Variants in GASK1B observed in about 807,000 individuals in gnomAD.
GASK1B encodes golgi associated kinase 1B.
In GASK1B, 34 loss-of-function variants were observed where a neutral mutation model predicts 42.8. That is an observed-to-expected ratio of 0.79 (90% CI 0.60 to 1.06). The LOEUF (loss-of-function observed/expected upper bound fraction) is 1.06. Ranked by LOEUF, GASK1B falls within the 50% of genes least tolerant of loss-of-function variation. The pLI is 0.00. For missense variants in GASK1B, 686 were observed against 661.0 expected (o/e 1.04, Z -0.42); for synonymous variants, 262 against 259.1 (o/e 1.01, Z -0.11).
intron 3 of GASK1B, among the ~76,000 whole-genome samples, chr4:158,140,241 C>T (rs142184667): frequency 9.9e-4 from 150 of 152,234 alleles, no homozygotes; most frequent in Admixed American, 3.9e-3. Flanking sequence ...AAACCATGCC[C>T]CAAACAGTTC....
intron 3 of GASK1B, among the ~76,000 whole-genome samples, chr4:158,137,768 G>A (rs745547729): frequency 1.5e-4 from 22 of 151,722 alleles, no homozygotes; most frequent in Non-Finnish European, 1.8e-4. Context: ...AACTCTCACC[G>A]CATAAAATAA....
intron 2 of GASK1B, among the ~76,000 whole-genome samples, chr4:158,162,669 C>T (rs186359306): frequency 4.7e-4 from 72 of 152,260 alleles, no homozygotes; most frequent in African/African-American, 1.6e-3. Flanking sequence ...TATACTGGGA[C>T]GATGAAAATA....
intron 3 of GASK1B, among the ~76,000 whole-genome samples, chr4:158,138,177 A>G (rs1730978322): frequency 6.6e-6 from 1 of 152,242 alleles, no homozygotes; most frequent in Non-Finnish European, 1.5e-5. Context: ...CCTCTCAATA[A>G]GAACCAGAAG....
intron 3 of GASK1B, among the ~76,000 whole-genome samples, chr4:158,137,127 T>C (rs1294423556): frequency 1.3e-5 from 2 of 152,206 alleles, no homozygotes; most frequent in Non-Finnish European, 2.9e-5. Context: ...GCTTGCTGTG[T>C]GCTTTTGGTT....
rs200457898 is a variant in GASK1B, at chr4:158,170,710, T to A, written c.666A>T (p.Arg222=). 6 of 1,614,206 alleles carry A rather than the reference T, an allele frequency of 3.7e-6. No homozygotes were observed. In the East Asian group the frequency reaches 1.3e-4, roughly 36 times the overall value. The change falls in exon 2 of 5, where the codon CGA becomes CGT. Residue 222 remains arginine (R), a synonymous_variant. Coordinates refer to ENST00000585682, the MANE Select transcript of GASK1B (RefSeq NM_001128424.2). The part of the protein sequence containing the change: ...APSWLSKDDI[R]RMRLLADSAV... ...CGCTGTCCGCCAAGAGTCGCATTCT[T>A]CGGATGTCATCTTTGCTCAGCCAGG...
At chr4:158,145,764 T>C (rs1057179131) in intron 3 of GASK1B, among the ~76,000 whole-genome samples, 9 of 152,318 alleles carry the variant, frequency 5.9e-5, no homozygotes, top group African/African-American at 2.2e-4. Context: ...TTACCAGCAC[T>C]AAACCTACTC....
chr4:158,136,266 G>A (rs1000237073), intron 3 of GASK1B, among the ~76,000 whole-genome samples: 1 of 151,916 alleles, frequency 6.6e-6, no homozygotes, highest in African/African-American at 2.4e-5. Flanking sequence ...GTGCACCTAC[G>A]GTCCCAGCTA....
At chr4:158,160,942 C>A (rs1055713273) in intron 2 of GASK1B, among the ~76,000 whole-genome samples, 2 of 151,934 alleles carry the variant, frequency 1.3e-5, no homozygotes, top group Non-Finnish European at 2.9e-5. Context: ...ATGGTGGCTA[C>A]CAGAGGCTGG....
chr4:158,152,619 C>T (rs978739130), intron 3 of GASK1B, among the ~76,000 whole-genome samples: 10 of 151,908 alleles, frequency 6.6e-5, no homozygotes, highest in African/African-American at 2.2e-4. Flanking sequence ...CTAGCTAAAC[C>T]AATCCAGCAT....
In GASK1B at chr4:158,127,603, G is replaced by A. The variant is rs1307977977; in HGVS notation, c.1364C>T (p.Ser455Phe). The A allele has an allele frequency of 1.2e-6, 2 of 1,612,554 alleles. No individual in the cohort carries two copies. The highest frequency in any genetic ancestry group is 1.7e-5 in the Admixed American group (1 of 59,696). ...LLEGIKEFPA[S>F]AVSVLKSQHL... The stretch of plus-strand genomic sequence containing the variant: ...CTGGCTCTTCAAAACAGAAACTGCA[G>A]AAGCTGGAAACCTGAAAAGATAAAA... The change falls in exon 5 of 5, where the codon TCT (serine) becomes TTT (phenylalanine). Residue 455 changes from serine to phenylalanine, a missense_variant. Transcript: ENST00000585682.
Position 158,170,564 on chromosome 4 carries a change from G to A in GASK1B, c.812C>T (p.Pro271Leu). 1 of 1,614,152 alleles carries A rather than the reference G, an allele frequency of 6.2e-7. No individual in the cohort carries two copies. The highest frequency in any genetic ancestry group is 2.2e-5 in the East Asian group (1 of 44,868). ...GPSPCGLLKQ[P>L]LDMSEVFAFH... ...GGCAAACACCTCACTCATGTCCAAG[G>A]GCTGCTTGAGAAGCCCACAGGGGCT... Residue 271 changes from proline (P) to leucine (L), a missense_variant, in exon 2 of 5, where the codon CCC (proline) becomes CTC (leucine). Transcript: ENST00000585682.
At chr4:158,144,053 A>T (rs1195262695) in intron 3 of GASK1B, among the ~76,000 whole-genome samples, 1 of 152,126 alleles carries the variant, frequency 6.6e-6, no homozygotes, top group Non-Finnish European at 1.5e-5. Context: ...CCTGCAAAAA[A>T]TGTTCCTTGA....
At chr4:158,167,560 G>A (rs908712496) in intron 2 of GASK1B, among the ~76,000 whole-genome samples, 5 of 152,086 alleles carry the variant, frequency 3.3e-5, no homozygotes, top group African/African-American at 1.2e-4. Flanking sequence ...AGCAATGAAC[G>A]CATTCCTTCA....
chr4:158,145,118 A>C (rs1731280227), intron 3 of GASK1B, among the ~76,000 whole-genome samples: 1 of 152,216 alleles, frequency 6.6e-6, no homozygotes, highest in Non-Finnish European at 1.5e-5. Context: ...GTTCCTGCAG[A>C]AACAAAGATC....
rs751735334 is a variant in GASK1B at position 158,170,818 on chromosome 4, C to A, written c.558G>T (p.Pro186=). Reference sequence around the variant, plus strand: ...AGTCTGGGCCCCCGGCTCGCACTCCCGGACCCCGCACCAACCTCCAGGGTC... The same window carrying A: ...AGTCTGGGCCCCCGGCTCGCACTCCAGGACCCCGCACCAACCTCCAGGGTC... ...GERPWRLVRG[P]GVRAGGPDFL... Residue 186 remains proline (P), a synonymous_variant, in exon 2 of 5, where the codon CCG becomes CCT. Transcript: ENST00000585682. 3 of 1,614,194 alleles carry A rather than the reference C, an allele frequency of 1.9e-6. No homozygotes were observed. Among genetic ancestry groups the A allele is most frequent in the Non-Finnish European group, 2.5e-6 (3 of 1,180,034 alleles).
intron 3 of GASK1B, among the ~76,000 whole-genome samples, chr4:158,141,359 A>G (rs1037597276): frequency 2.0e-5 from 3 of 151,672 alleles, no homozygotes; most frequent in Non-Finnish European, 4.4e-5. Flanking sequence ...ACCAGAATGT[A>G]TCAGAAAACA....
intron 3 of GASK1B, among the ~76,000 whole-genome samples, chr4:158,152,152 AC>A (rs1731581969): frequency 6.6e-6 from 1 of 152,122 alleles, no homozygotes; most frequent in Non-Finnish European, 1.5e-5. Context: ...TTGGCCACAG[AC>A]TGAATGCTGC....
At chr4:158,151,051 G>C (rs892772654) in intron 3 of GASK1B, among the ~76,000 whole-genome samples, 5 of 152,094 alleles carry the variant, frequency 3.3e-5, no homozygotes, top group African/African-American at 9.7e-5. Context: ...AATGTTCTAA[G>C]GCCATCCTAA....
intron 3 of GASK1B, among the ~76,000 whole-genome samples, chr4:158,140,928 T>C (rs1456066010): frequency 6.6e-6 from 1 of 152,200 alleles, no homozygotes; most frequent in African/African-American, 2.4e-5. Flanking sequence ...AAATATATAC[T>C]GCAGTTTTGA....
Sources: allele counts gnomAD v4.1 joint callset (sites outside exome capture counted in the v4.1 genomes callset), GRCh38; gene constraint gnomAD v4.1.1; transcripts MANE v1.5; gene names NCBI Gene and HGNC (gene_info 2026-07-23, HGNC 2026-07-21).